RECK: variants seen among roughly 807,000 people sequenced by gnomAD.
The protein encoded by RECK is reversion-inducing cysteine-rich protein with Kazal motifs.
RECK carries 69 observed loss-of-function variants against 115.1 expected under a neutral mutation model. The observed-to-expected ratio is 0.60, with a 90% CI of 0.49 to 0.73. The LOEUF is 0.73. RECK is among the 30% of genes least tolerant of loss of function. The pLI, the probability that RECK is intolerant of heterozygous loss-of-function variation, is 0.00. For missense variants in RECK, 1,047 were observed against 1,203.7 expected (o/e 0.87, Z 1.93); for synonymous variants, 414 against 419.7 (o/e 0.99, Z 0.17).
intron 2 of RECK, among the ~76,000 whole-genome samples, chr9:36,057,733 A>G (rs1301823390): frequency 6.6e-6 from 1 of 152,190 alleles, no homozygotes. Flanking sequence ...AGGCTGGAGA[A>G]TTGCTTCAGC....
At chr9:36,120,202 T>G (rs1824408609) in intron 18 of RECK, among the ~76,000 whole-genome samples, 2 of 151,612 alleles carry the variant, frequency 1.3e-5, no homozygotes, top group African/African-American at 4.9e-5. Flanking sequence ...GCCACTGCAC[T>G]CTAGCCTGGG....
At position 36,063,874 on chromosome 9, in the gene RECK, C is replaced by T; in HGVS notation, c.351C>T (p.Cys117=). The part of the protein sequence containing the change: ...LAIALECRQA[C]KQASSKNDIS... ...TTGCCTTGGAGTGTCGACAGGCATG[C>T]AAGCAGGTAACACTGGGTAGTCAGG... The change falls in exon 5 of 21, where the codon TGC becomes TGT. Residue 117 remains cysteine, a synonymous_variant. Transcript: ENST00000377966. 1 of 1,613,862 alleles carries T rather than the reference C, an allele frequency of 6.2e-7. No individual in the cohort carries two copies. Among genetic ancestry groups the T allele is most frequent in the Non-Finnish European group, 8.5e-7 (1 of 1,179,756 alleles).
At chr9:36,119,703 T>C (rs1034991186) in intron 18 of RECK, among the ~76,000 whole-genome samples, 16 of 152,168 alleles carry the variant, frequency 1.1e-4, no homozygotes, top group African/African-American at 3.9e-4. Flanking sequence ...CTTTTCCTTC[T>C]GGAGACCATG....
chr9:36,046,973 C>T lies in RECK; in HGVS notation c.101-5292C>T, dbSNP rs190085727. Among the ~76,000 whole-genome samples, 503 of 152,258 alleles carry T rather than the reference C, an allele frequency of 3.3e-3. 1 individual carries two copies. Among genetic ancestry groups the T allele is most frequent in the African/African-American group, 0.012 (487 of 41,550 alleles). ...TTTTGTGTTTCTGTTTGAAATAGAC[C>T]TTTGCTCCAAGAAATTGTTTTTCAA... On this transcript the variant is annotated intron_variant, in intron 1 of 20. Transcript: ENST00000377966.
intron 1 of RECK, among the ~76,000 whole-genome samples, chr9:36,039,614 C>T (rs915064266): frequency 1.3e-5 from 2 of 152,158 alleles, no homozygotes; most frequent in African/African-American, 4.8e-5. Context: ...GTATCAGCAT[C>T]GTGTGTCATG....
At chr9:36,083,316 T>C in intron 7 of RECK, 49 bp from the exon 8 acceptor site, 1 of 1,560,044 alleles carries the variant, frequency 6.4e-7, no homozygotes, top group Non-Finnish European at 8.8e-7. Flanking sequence ...GATTTAATGT[T>C]AACAAAAAGC....
chr9:36,064,474 G>T (rs1322284905), intron 5 of RECK, among the ~76,000 whole-genome samples: 1 of 152,192 alleles, frequency 6.6e-6, no homozygotes, highest in Non-Finnish European at 1.5e-5. Flanking sequence ...TCTACTGCAA[G>T]TGGCAGAAAT....
chr9:36,037,285 TCCGCC>T (rs1820703794), intron 1 of RECK, among the ~76,000 whole-genome samples, 187 bp downstream of exon 1: 1 of 151,446 alleles, frequency 6.6e-6, no homozygotes, highest in Non-Finnish European at 1.5e-5. Context: ...AGGAACTCTC[TCCGCC>T]CCAAGATCTT....
At chr9:36,090,237 C>T (rs1823110795) in intron 9 of RECK, among the ~76,000 whole-genome samples, 1 of 152,128 alleles carries the variant, frequency 6.6e-6, no homozygotes, top group South Asian at 2.1e-4. Context: ...GTAACTTGAT[C>T]ACAGCTTCCT....
At chr9:36,039,766 A>T (rs7043906) in intron 1 of RECK, among the ~76,000 whole-genome samples, 83,274 of 152,076 alleles carry the variant, frequency 0.55, 23,171 homozygotes, top group East Asian at 0.79. Context: ...AGAAGAAGAA[A>T]GTAATGAATT....
intron 4 of RECK, 110 bp downstream of exon 4, chr9:36,060,265 C>A: frequency 9.3e-7 from 1 of 1,080,490 alleles, no homozygotes; most frequent in Non-Finnish European, 1.4e-6. Context: ...AGTTTCTATC[C>A]TCTCCTTCCC....
intron 3 of RECK, among the ~76,000 whole-genome samples, chr9:36,059,233 G>T (rs1205444137): frequency 2.0e-5 from 3 of 152,130 alleles, no homozygotes; most frequent in East Asian, 1.9e-4. Flanking sequence ...GAGGCGGGTG[G>T]ATTACCTGAG....
intron 16 of RECK, among the ~76,000 whole-genome samples, chr9:36,115,328 A>G (rs1282912572): frequency 6.6e-6 from 1 of 150,618 alleles, no homozygotes; most frequent in East Asian, 1.9e-4. Context: ...TAATAATAAT[A>G]ATAATAATAA....
At chr9:36,064,919 T>A (rs75640184) in intron 5 of RECK, among the ~76,000 whole-genome samples, 1 of 150,188 alleles carries the variant, frequency 6.7e-6, no homozygotes, top group East Asian at 2.1e-4. Context: ...CCTCAGCAGA[T>A]TTTTTTTGGC....
chr9:36,081,388 C>A (rs964042041), intron 7 of RECK, among the ~76,000 whole-genome samples: 5 of 152,168 alleles, frequency 3.3e-5, no homozygotes, highest in Non-Finnish European at 5.9e-5. Flanking sequence ...TATGTCCTCC[C>A]ACACTGGTGA....
In RECK at chr9:36,092,559, TTTTTG is replaced by T. The variant is rs59536291; in HGVS notation, c.1085+1218_1085+1222del. 8.3e-3 allele frequency among the ~76,000 whole-genome samples: 1,228 copies of T among 147,252 alleles called. 18 individuals carry two copies. The highest frequency in any genetic ancestry group is 0.03 in the African/African-American group (1,183 of 39,580). Reference sequence around the variant, plus strand: ...CCCAGCTAATTTTTTTTTTTTTTTTTTTTTGTATTTTTAGTAGAGACGGGGCTTCA... The same window carrying T: ...CCCAGCTAATTTTTTTTTTTTTTTTTTATTTTTAGTAGAGACGGGGCTTCA... On this transcript the variant is annotated intron_variant, in intron 10 of 20. Transcript: ENST00000377966.
intron 16 of RECK, among the ~76,000 whole-genome samples, chr9:36,113,156 A>G (rs780555060): frequency 6.6e-5 from 10 of 152,188 alleles, no homozygotes; most frequent in East Asian, 5.8e-4. Context: ...GGATTTCTGT[A>G]TGGGGCAGCC....
intron 8 of RECK, among the ~76,000 whole-genome samples, chr9:36,086,608 T>G (rs1201113590): frequency 1.3e-5 from 2 of 152,314 alleles, no homozygotes; most frequent in Non-Finnish European, 2.9e-5. Context: ...CCAGCTTTTA[T>G]TCCCTTATTT....
At chr9:36,084,544 A>C (rs1358945859) in intron 8 of RECK, among the ~76,000 whole-genome samples, 1 of 150,874 alleles carries the variant, frequency 6.6e-6, no homozygotes, top group African/African-American at 2.4e-5. Context: ...AAAATACAAA[A>C]ATCAGCCAGG....
Sources: allele counts gnomAD v4.1 joint callset (sites outside exome capture counted in the v4.1 genomes callset), GRCh38; gene constraint gnomAD v4.1.1; transcripts MANE v1.5; gene names NCBI Gene and HGNC (gene_info 2026-07-23, HGNC 2026-07-21).